Variants in FAT3 observed in about 807,000 individuals in gnomAD.
The protein encoded by FAT3 is protocadherin Fat 3.
Under a neutral mutation model 310.2 loss-of-function variants are expected in FAT3, and 95 were observed. That is an observed-to-expected ratio of 0.31 (90% CI 0.26 to 0.36). The LOEUF (loss-of-function observed/expected upper bound fraction) is 0.36, where lower values mean the gene tolerates loss of function less well. Ranked by LOEUF, FAT3 falls within the 10% of genes least tolerant of loss-of-function variation. The pLI is 1.00. For synonymous variants in FAT3, 2,314 were observed against 2,192.9 expected (o/e 1.06, Z -1.54); for missense variants, 5,408 against 5,715.6 (o/e 0.95, Z 1.74).
chr11:92,883,192 A>T lies in FAT3; in HGVS notation c.12736A>T (p.Arg4246Trp), dbSNP rs1949715733. The change falls in exon 24 of 28, where the codon AGG (arginine) becomes TGG (tryptophan). Residue 4246 changes from arginine (R) to tryptophan (W), a missense_variant. This residue lies in a region of FAT3 where 649 missense variants were observed against 666.2 expected (regional missense o/e 0.97). Coordinates refer to ENST00000525166, the MANE Select transcript of FAT3 (RefSeq NM_001367949.2). This position sits in a 1 kb window ranked among gnomAD's most constrained non-coding sequence, Gnocchi z 4.2. ...CACACCCTGCTTCCAGAGTGACTCC[A>T]GGAGCAACCTGGATAAGATCGTGGA... is the stretch of plus-strand genomic sequence containing the variant. ...AYTPCFQSDS[R>W]SNLDKIVDGL... The T allele has an allele frequency of 6.2e-7, 1 of 1,613,424 alleles. No homozygotes were observed. The highest frequency in any genetic ancestry group is 2.2e-5 in the East Asian group (1 of 44,854).
chr11:92,404,848 G>C (rs1950102815), intron 2 of FAT3, among the ~76,000 whole-genome samples: 1 of 151,920 alleles, frequency 6.6e-6, no homozygotes, highest in African/African-American at 2.4e-5. Flanking sequence ...CACTCTCTTT[G>C]CCTGAGCTGG....
intron 3 of FAT3, among the ~76,000 whole-genome samples, chr11:92,528,865 A>G (rs2135376984): frequency 6.6e-6 from 1 of 152,330 alleles, no homozygotes; most frequent in African/African-American, 2.4e-5. Context: ...ATAAATGTTA[A>G]CTATTACGAT....
chr11:92,317,483 T>C (rs1345136548), intron 1 of FAT3, among the ~76,000 whole-genome samples: 1 of 152,164 alleles, frequency 6.6e-6, no homozygotes, highest in East Asian at 1.9e-4. Context: ...AAGATTGTTC[T>C]TTGGAAATGT....
chr11:92,511,061 G>A (rs1343987587), intron 2 of FAT3, among the ~76,000 whole-genome samples: 1 of 152,196 alleles, frequency 6.6e-6, no homozygotes, highest in Non-Finnish European at 1.5e-5. Flanking sequence ...GTACCTGTGG[G>A]CAGGGCACCA....
chr11:92,787,945 A>C (rs1247289449), intron 7 of FAT3, among the ~76,000 whole-genome samples: 1 of 152,154 alleles, frequency 6.6e-6, no homozygotes, highest in African/African-American at 2.4e-5. Flanking sequence ...GGAAGTAGCA[A>C]TATGAACTCG....
chr11:92,576,653 G>A (rs1238165997), intron 3 of FAT3, among the ~76,000 whole-genome samples: 1 of 152,130 alleles, frequency 6.6e-6, no homozygotes, highest in Non-Finnish European at 1.5e-5. Context: ...TAACTTAAAG[G>A]CAAAGGTTCC....
chr11:92,350,622 C>A (rs1948539146), intron 1 of FAT3, among the ~76,000 whole-genome samples: 1 of 152,096 alleles, frequency 6.6e-6, no homozygotes, highest in Admixed American at 6.5e-5. Flanking sequence ...TGAGATCCTG[C>A]TTTACTACTT....
chr11:92,487,980 G>C (rs184195120), intron 2 of FAT3, among the ~76,000 whole-genome samples: 1 of 152,306 alleles, frequency 6.6e-6, no homozygotes, highest in East Asian at 1.9e-4. Flanking sequence ...CAAGGGATCT[G>C]TGTCTTGTTT....
chr11:92,445,769 T>G (rs1017347949), intron 2 of FAT3, among the ~76,000 whole-genome samples: 6 of 152,086 alleles, frequency 3.9e-5, no homozygotes, highest in African/African-American at 7.2e-5. Context: ...CAGGTGGTGG[T>G]CTGTGGTTGT....
chr11:92,558,848 G>A (rs184361710), intron 3 of FAT3, among the ~76,000 whole-genome samples: 2 of 152,150 alleles, frequency 1.3e-5, no homozygotes, highest in East Asian at 3.9e-4. Context: ...TTCAATGTGG[G>A]TCAAGGAGGA....
intron 3 of FAT3, among the ~76,000 whole-genome samples, chr11:92,692,656 A>G (rs767362392): frequency 3.4e-4 from 51 of 152,164 alleles, no homozygotes; most frequent in Non-Finnish European, 6.3e-4. Context: ...GAAAGTAACA[A>G]CTCAACTGTC....
At chr11:92,626,503 T>G (rs1221063619) in intron 3 of FAT3, among the ~76,000 whole-genome samples, 1 of 152,008 alleles carries the variant, frequency 6.6e-6, no homozygotes, top group Non-Finnish European at 1.5e-5. Flanking sequence ...AAAATAACCT[T>G]GATGCTTTTC....
chr11:92,564,443 C>G (rs1477423025), intron 3 of FAT3, among the ~76,000 whole-genome samples: 2 of 150,456 alleles, frequency 1.3e-5, no homozygotes, highest in East Asian at 3.9e-4. Context: ...TAATGGGAGA[C>G]TTTAACACCC....
chr11:92,664,766 T>G (rs566323766), intron 3 of FAT3, among the ~76,000 whole-genome samples: 1 of 152,226 alleles, frequency 6.6e-6, no homozygotes, highest in Non-Finnish European at 1.5e-5. Flanking sequence ...GAAAAACATC[T>G]TTCTTATGCA....
intron 2 of FAT3, among the ~76,000 whole-genome samples, chr11:92,484,981 A>G (rs1052098884): frequency 6.6e-6 from 1 of 152,248 alleles, no homozygotes; most frequent in African/African-American, 2.4e-5. Flanking sequence ...ATGTATTTGT[A>G]TAGCCTAGCA....
intron 2 of FAT3, among the ~76,000 whole-genome samples, chr11:92,518,460 A>G (rs143891228): frequency 0.019 from 2,850 of 152,182 alleles, 50 homozygotes; most frequent in African/African-American, 0.046. Flanking sequence ...GAATTGAACA[A>G]TGAGAACACA....
At chr11:92,384,521 T>A (rs542081950) in intron 2 of FAT3, among the ~76,000 whole-genome samples, 1 of 152,142 alleles carries the variant, frequency 6.6e-6, no homozygotes, top group Admixed American at 6.5e-5. Flanking sequence ...CCCCCAGCCC[T>A]TTGCCCCATG....
chr11:92,305,659 A>T, intron 1 of FAT3, among the ~76,000 whole-genome samples: 1 of 152,242 alleles, frequency 6.6e-6, no homozygotes, highest in Non-Finnish European at 1.5e-5. Flanking sequence ...CATCACTTCT[A>T]TGGTATTCGT....
intron 1 of FAT3, among the ~76,000 whole-genome samples, chr11:92,326,457 T>C (rs1947767094): frequency 6.6e-6 from 1 of 152,224 alleles, no homozygotes; most frequent in Non-Finnish European, 1.5e-5. Flanking sequence ...ACACACTTAA[T>C]GTCTGTATTA....
Sources: gnomAD v4.1 joint callset for allele counts (sites outside exome capture counted in the v4.1 genomes callset) on GRCh38, gnomAD v4.1.1 for gene constraint, gnomAD v4.1.1 regional missense constraint, Gnocchi (gnomAD v3.1) non-coding constraint, MANE v1.5 for transcripts, NCBI Gene and HGNC (gene_info 2026-07-23, HGNC 2026-07-21) for gene names.